Variants in CIPC observed in about 807,000 individuals in gnomAD.
CIPC encodes CLOCK interacting pacemaker.
Under a neutral mutation model 26.7 loss-of-function variants are expected in CIPC, and 12 were observed. The observed-to-expected ratio is 0.45, with a 90% CI of 0.29 to 0.73. The LOEUF (loss-of-function observed/expected upper bound fraction) is 0.73. Ranked by LOEUF, CIPC falls within the 30% of genes least tolerant of loss-of-function variation. CIPC has a pLI of 0.12. For missense variants in CIPC, 417 were observed against 486.5 expected, an observed-to-expected ratio of 0.86 and a Z score of 1.34; for synonymous variants, 170 against 189.8, an observed-to-expected ratio of 0.90 and a Z score of 0.86.
chr14:77,105,717 G>C lies in CIPC; in HGVS notation c.9G>C (p.Arg3Ser), dbSNP rs761349795. ...CTCCAGCTGAATAAACCATGGAGAG[G>C]AAAAACCCATCCAGAGAGAGCCCCA... The part of the protein sequence containing the change: ME[R>S]KNPSRESPRR... The change falls in exon 2 of 4, where the codon AGG becomes AGC. Residue 3 changes from arginine (R) to serine (S), a missense_variant. Coordinates refer to ENST00000361786, the MANE Select transcript of CIPC (RefSeq NM_033426.3). The C allele has an allele frequency of 7.4e-6, 12 of 1,613,894 alleles. No homozygotes were observed. Among genetic ancestry groups the C allele is most frequent in the Non-Finnish European group, 9.3e-6 (11 of 1,179,946 alleles).
intron 3 of CIPC, among the ~76,000 whole-genome samples, chr14:77,111,741 A>G (rs926386100): frequency 6.6e-6 from 1 of 152,250 alleles, no homozygotes; most frequent in African/African-American, 2.4e-5. Context: ...TCAGCTAAGT[A>G]TCTGTTAGGA....
chr14:77,103,991 C>T (rs1027988643), intron 1 of CIPC, among the ~76,000 whole-genome samples: 3 of 152,146 alleles, frequency 2.0e-5, no homozygotes, highest in African/African-American at 7.2e-5. Flanking sequence ...CTTAATTCAC[C>T]TGGACTGTCA....
chr14:77,098,650 C>A (rs1220383779), intron 1 of CIPC: 4 of 152,318 alleles, frequency 2.6e-5, no homozygotes, highest in Admixed American at 2.6e-4. Context: ...GCCCTGGGCG[C>A]AACCGCCAGC....
At chr14:77,106,089 A>G (rs927096372) in intron 2 of CIPC, 2 of 318,608 alleles carry the variant, frequency 6.3e-6, no homozygotes, top group African/African-American at 4.3e-5. Flanking sequence ...TACACTTCCA[A>G]CTATTGCAAT....
Position 77,105,650 on chromosome 14 carries a change from T to C in CIPC, c.-52-7T>C. On this transcript the variant is annotated splice_region_variant and splice_polypyrimidine_tract_variant and intron_variant, in intron 1 of 3. Transcript: ENST00000361786. ...GCAGTGACTTCTTATATAATTGTTT[T>C]TCATAGGGCAGTCCAGATGAAAAGA... 1 of 1,554,868 alleles carries C rather than the reference T, an allele frequency of 6.4e-7. No homozygotes were observed. The highest frequency in any genetic ancestry group is 2.0e-5 in the Admixed American group (1 of 50,236).
intron 1 of CIPC, among the ~76,000 whole-genome samples, chr14:77,104,306 C>T (rs976129970): frequency 3.3e-5 from 5 of 152,138 alleles, no homozygotes; most frequent in African/African-American, 1.2e-4. Context: ...AGGATCGCTT[C>T]CATCTGGGCA....
intron 2 of CIPC, 41 bp downstream of exon 2, chr14:77,105,885 G>A (rs1886582392): frequency 1.9e-6 from 3 of 1,605,628 alleles, no homozygotes; most frequent in African/African-American, 2.7e-5. Context: ...GTGAGTGAAT[G>A]CTTTGCGTGA....
intron 3 of CIPC, 136 bp from the exon 4 acceptor site, chr14:77,113,289 C>A: frequency 1.1e-6 from 1 of 923,504 alleles, no homozygotes; most frequent in Non-Finnish European, 1.7e-6. Flanking sequence ...GATGTTCAAA[C>A]CACTATGTGA....
chr14:77,100,562 T>G (rs563861612), intron 1 of CIPC, among the ~76,000 whole-genome samples: 1 of 150,730 alleles, frequency 6.6e-6, no homozygotes, highest in Non-Finnish European at 1.5e-5. Flanking sequence ...TCTTTTCTTT[T>G]CTTTTCTCTT....
intron 3 of CIPC, among the ~76,000 whole-genome samples, chr14:77,111,514 T>C (rs1306024848): frequency 6.6e-6 from 1 of 152,242 alleles, no homozygotes; most frequent in Non-Finnish European, 1.5e-5. Context: ...TGGTTTTAGA[T>C]ATTTTTCTTT....
chr14:77,116,183 A>T lies in CIPC; in HGVS notation c.*1865A>T, dbSNP rs1256273834. 6.6e-6 allele frequency: 1 copy of T among 152,220 alleles called. No individual in the cohort carries two copies. Among genetic ancestry groups the T allele is most frequent in the Non-Finnish European group, 1.5e-5 (1 of 68,044 alleles). The allele number at this position is 152,220 out of a possible 1,614,324, so 9.4% of individuals were successfully genotyped here. ...GTAACATCCCTAGACTCCACTCATGAACGCAGAATTATTACCTGCTGTTTG... is the reference window on the plus strand; with the variant it reads ...GTAACATCCCTAGACTCCACTCATGTACGCAGAATTATTACCTGCTGTTTG... On this transcript the variant is annotated 3_prime_UTR_variant, in exon 4 of 4. Coordinates refer to ENST00000361786, the MANE Select transcript of CIPC (RefSeq NM_033426.3).
rs897302929 is a variant in CIPC, at chr14:77,098,300, C to T, written c.-114C>T. Reference sequence around the variant, plus strand: ...CGAGGTTGTCATGGTGCCGCGGGGCCGTGCTCGCGCATGCGCCACCTGACC... The same window carrying T: ...CGAGGTTGTCATGGTGCCGCGGGGCTGTGCTCGCGCATGCGCCACCTGACC... On this transcript the variant is annotated 5_prime_UTR_variant, in exon 1 of 4. Coordinates refer to ENST00000361786, the MANE Select transcript of CIPC (RefSeq NM_033426.3). 6.6e-6 allele frequency: 1 copy of T among 152,664 alleles called. No homozygotes were observed. Among genetic ancestry groups the T allele is most frequent in the African/African-American group, 2.4e-5 (1 of 41,442 alleles). 9.5% of individuals were successfully genotyped at this position (152,664 alleles called of 1,614,324 possible). A position where few individuals can be genotyped will look rare whatever the true frequency, so the allele number is the denominator to read the frequency against.
chr14:77,098,677 G>A (rs1886410975), intron 1 of CIPC: 1 of 152,574 alleles, frequency 6.6e-6, no homozygotes, highest in African/African-American at 2.4e-5. Context: ...GGCGGGGAGA[G>A]AGCTTGGAGT....
At chr14:77,104,806 T>C (rs1355799823) in intron 1 of CIPC, among the ~76,000 whole-genome samples, 1 of 152,230 alleles carries the variant, frequency 6.6e-6, no homozygotes, top group Non-Finnish European at 1.5e-5. Context: ...TGTCTCTCTC[T>C]AGATCATAAG....
rs753432897 is a variant in CIPC at position 77,113,663 on chromosome 14, G to A, written c.545G>A (p.Ser182Asn). The change falls in exon 4 of 4, where the codon AGT becomes AAT. Residue 182 changes from serine to asparagine, a missense_variant. Transcript: ENST00000361786. ...LSLGPEEKGTSGVQKKICTER... is the reference protein window; with the variant it reads ...LSLGPEEKGTNGVQKKICTER... ...CTTGGCCCAGAAGAAAAAGGAACAA[G>A]TGGAGTGCAGAAGAAAATCTGTACT... The A allele has an allele frequency of 6.2e-7, 1 of 1,613,836 alleles. No homozygotes were observed. The highest frequency in any genetic ancestry group is 2.2e-5 in the East Asian group (1 of 44,892).
chr14:77,106,929 C>T (rs1285512912), intron 2 of CIPC, among the ~76,000 whole-genome samples: 2 of 152,192 alleles, frequency 1.3e-5, no homozygotes, highest in Non-Finnish European at 2.9e-5. Flanking sequence ...TCTTCTCTCT[C>T]TCAGCATTGT....
chr14:77,115,517 T>A lies in CIPC; in HGVS notation c.*1199T>A, dbSNP rs1193377143. ...GAAGTTCATCTCAAAATGGAGACCA[T>A]GACCAGAGTTTCCAGATGATACACG... is the stretch of plus-strand genomic sequence containing the variant. On this transcript the variant is annotated 3_prime_UTR_variant, in exon 4 of 4. Coordinates refer to ENST00000361786, the MANE Select transcript of CIPC (RefSeq NM_033426.3). 6 of 152,220 alleles carry A rather than the reference T, an allele frequency of 3.9e-5. No individual in the cohort carries two copies. In the East Asian group the frequency reaches 1.2e-3, roughly 29 times the overall value. 9.4% of individuals were successfully genotyped at this position (152,220 alleles called of 1,614,324 possible).
chr14:77,099,534 T>C (rs1886435206), intron 1 of CIPC, among the ~76,000 whole-genome samples: 1 of 152,248 alleles, frequency 6.6e-6, no homozygotes, highest in Admixed American at 6.5e-5. Flanking sequence ...TTTATAATTC[T>C]AACGGGGATT....
At chr14:77,105,964 AC>A (rs1338325363) in intron 2 of CIPC, 120 bp downstream of exon 2, 1 of 1,160,626 alleles carries the variant, frequency 8.6e-7, no homozygotes, top group South Asian at 1.7e-5. Context: ...ATAAATACTT[AC>A]CTGCTTTAAA....
Sources: gnomAD v4.1 joint callset for allele counts (sites outside exome capture counted in the v4.1 genomes callset) on GRCh38, gnomAD v4.1.1 for gene constraint, MANE v1.5 for transcripts, NCBI Gene and HGNC (gene_info 2026-07-23, HGNC 2026-07-21) for gene names.